LANCL1: variants seen among roughly 807,000 people sequenced by gnomAD.
The protein encoded by LANCL1 is LanC like glutathione S-transferase 1.
LANCL1 carries 50 observed loss-of-function variants against 50.6 expected under a neutral mutation model. The observed-to-expected ratio is 0.99, with a 90% CI of 0.79 to 1.25. The LOEUF is 1.25. Among genes scored for constraint, LANCL1 ranks in the 50% most tolerant of loss-of-function variants. The pLI is 0.00. For synonymous variants in LANCL1, 188 were observed against 178.6 expected (o/e 1.05, Z -0.42); for missense variants, 532 against 480.7 (o/e 1.11, Z -1.00).
intron 7 of LANCL1, 27 bp from the exon 8 acceptor site, chr2:210,436,419 T>C (rs376945381): frequency 1.5e-4 from 245 of 1,600,828 alleles, no homozygotes; most frequent in Non-Finnish European, 2.0e-4. Flanking sequence ...CACATTTTAT[T>C]ATACGGGATA....
chr2:210,464,378 A>G (rs1693970472), intron 3 of LANCL1, among the ~76,000 whole-genome samples: 1 of 152,178 alleles, frequency 6.6e-6, no homozygotes, highest in South Asian at 2.1e-4. Flanking sequence ...AGATGGGGAA[A>G]AAAAGGAGTC....
chr2:210,444,509 A>G (rs1693249675), intron 4 of LANCL1, among the ~76,000 whole-genome samples: 1 of 152,228 alleles, frequency 6.6e-6, no homozygotes, highest in African/African-American at 2.4e-5. Flanking sequence ...GAACTGCAGG[A>G]AAGTGGGGGT....
intron 4 of LANCL1, among the ~76,000 whole-genome samples, chr2:210,444,115 A>G (rs1431536517): frequency 1.3e-5 from 2 of 152,198 alleles, no homozygotes; most frequent in Non-Finnish European, 2.9e-5. Context: ...TTTCATTTGA[A>G]CATACTCAGA....
intron 4 of LANCL1, among the ~76,000 whole-genome samples, chr2:210,446,956 CACATTCACATTCAGGAACA>C: frequency 6.6e-6 from 1 of 152,122 alleles, no homozygotes; most frequent in Non-Finnish European, 1.5e-5. Flanking sequence ...CCCCAACCTT[CACATTCACATTCAGGAACA>C]ACATTCACAT....
chr2:210,444,086 A>G (rs1390057389), intron 4 of LANCL1, among the ~76,000 whole-genome samples: 1 of 152,206 alleles, frequency 6.6e-6, no homozygotes, highest in Non-Finnish European at 1.5e-5. Context: ...AGTTGGCAGA[A>G]TTGGGCACCC....
At chr2:210,473,452 G>C (rs566277950) in intron 2 of LANCL1, among the ~76,000 whole-genome samples, 4 of 152,270 alleles carry the variant, frequency 2.6e-5, no homozygotes, top group South Asian at 2.1e-4. Flanking sequence ...AGAACTTGCT[G>C]TGATTCTAAG....
intron 2 of LANCL1, among the ~76,000 whole-genome samples, chr2:210,475,786 CTTTTT>C (rs78484440): frequency 6.6e-6 from 1 of 151,460 alleles, no homozygotes. Flanking sequence ...TTACAAGTTT[CTTTTT>C]TTTTGTTTTC....
At chr2:210,467,196 G>A (rs1039926061) in intron 3 of LANCL1, among the ~76,000 whole-genome samples, 1 of 152,188 alleles carries the variant, frequency 6.6e-6, no homozygotes, top group African/African-American at 2.4e-5. Context: ...ACACGGATTC[G>A]TATATGGTAT....
intron 4 of LANCL1, among the ~76,000 whole-genome samples, chr2:210,449,376 A>C (rs993103363): frequency 2.6e-5 from 4 of 152,218 alleles, no homozygotes; most frequent in African/African-American, 9.6e-5. Context: ...GCTATCTATG[A>C]CAAGCCCACA....
At chr2:210,461,084 G>C (rs939666747) in intron 3 of LANCL1, among the ~76,000 whole-genome samples, 1 of 152,094 alleles carries the variant, frequency 6.6e-6, no homozygotes, top group Non-Finnish European at 1.5e-5. Flanking sequence ...AGCCTTCTGG[G>C]TGTTGGCTGT....
intron 4 of LANCL1, among the ~76,000 whole-genome samples, chr2:210,453,282 A>G (rs559687653): frequency 4.6e-5 from 7 of 152,346 alleles, no homozygotes; most frequent in African/African-American, 1.7e-4. Context: ...GAGCATTTTA[A>G]TACACTAATA....
chr2:210,440,397 G>A (rs1238742458), intron 6 of LANCL1, among the ~76,000 whole-genome samples: 1 of 152,140 alleles, frequency 6.6e-6, no homozygotes, highest in African/African-American at 2.4e-5. Context: ...TTAAAACGCA[G>A]GGCCTTTAAT....
rs1694395309 is a variant in LANCL1, at chr2:210,476,730, C to G, written c.-127G>C. 9.1e-7 allele frequency: 1 copy of G among 1,100,234 alleles called. No homozygotes were observed. Among genetic ancestry groups the G allele is most frequent in the Non-Finnish European group, 1.1e-6 (1 of 901,094 alleles). The allele number at this position is 1,100,234 out of a possible 1,614,324, so 68.2% of individuals were successfully genotyped here. The stretch of plus-strand genomic sequence containing the variant: ...CGGCCCTGGCCTCTCACCCCGCAGC[C>G]CCGGACAGTAACAGAAGGGCTATTT... On this transcript the variant is annotated 5_prime_UTR_variant, in exon 1 of 10. Coordinates refer to ENST00000450366, the MANE Select transcript of LANCL1 (RefSeq NM_006055.3).
chr2:210,460,114 C>T (rs1412273922), intron 3 of LANCL1, among the ~76,000 whole-genome samples: 2 of 152,138 alleles, frequency 1.3e-5, no homozygotes, highest in Non-Finnish European at 2.9e-5. Context: ...TCTCAAAATA[C>T]TTTTCTGCGA....
intron 3 of LANCL1, among the ~76,000 whole-genome samples, chr2:210,457,019 A>C (rs777897197): frequency 2.0e-5 from 3 of 152,158 alleles, no homozygotes; most frequent in Non-Finnish European, 2.9e-5. Flanking sequence ...ATAGGCAGAG[A>C]ATTATCTTTC....
At chr2:210,472,829 A>G (rs896914242) in intron 2 of LANCL1, among the ~76,000 whole-genome samples, 2 of 152,222 alleles carry the variant, frequency 1.3e-5, no homozygotes, top group Non-Finnish European at 2.9e-5. Flanking sequence ...GTGTATCACA[A>G]GTCTTTCTCA....
At chr2:210,438,604 T>A (rs554645358) in intron 6 of LANCL1, among the ~76,000 whole-genome samples, 1 of 152,156 alleles carries the variant, frequency 6.6e-6, no homozygotes, top group Non-Finnish European at 1.5e-5. Context: ...AGCATGACTT[T>A]CGTTATTACA....
At chr2:210,473,376 A>AAACAACAAC (rs554528717) in intron 2 of LANCL1, among the ~76,000 whole-genome samples, 2 of 152,016 alleles carry the variant, frequency 1.3e-5, no homozygotes, top group African/African-American at 2.4e-5. Flanking sequence ...ACTCCATCTC[A>AAACAACAAC]AACAACAACA....
intron 4 of LANCL1, among the ~76,000 whole-genome samples, chr2:210,452,232 TA>T (rs34667709): frequency 0.09 from 12,679 of 141,594 alleles, 603 homozygotes; most frequent in East Asian, 0.22. Flanking sequence ...TTCTGCTTAT[TA>T]AAAAAAAAAA....
Sources: gnomAD v4.1 joint callset for allele counts (sites outside exome capture counted in the v4.1 genomes callset) on GRCh38, gnomAD v4.1.1 for gene constraint, MANE v1.5 for transcripts, NCBI Gene and HGNC (gene_info 2026-07-23, HGNC 2026-07-21) for gene names.